Variants in ANKRD28 observed in about 807,000 individuals in gnomAD.
ANKRD28 encodes the protein serine/threonine-protein phosphatase 6 regulatory ankyrin repeat subunit A.
Under a neutral mutation model 126.5 loss-of-function variants are expected in ANKRD28, and 44 were observed. That is an observed-to-expected ratio of 0.35 (90% CI 0.27 to 0.45). The LOEUF (loss-of-function observed/expected upper bound fraction) is 0.45, where lower values mean the gene tolerates loss of function less well. ANKRD28 is among the 20% of genes least tolerant of loss of function. ANKRD28 has a pLI of 1.00. For missense variants in ANKRD28, 1,110 were observed against 1,316.6 expected (o/e 0.84, Z 2.43); for synonymous variants, 442 against 468.5 (o/e 0.94, Z 0.73).
At chr3:15,832,710 G>T in intron 1 of ANKRD28, among the ~76,000 whole-genome samples, 1 of 152,112 alleles carries the variant, frequency 6.6e-6, no homozygotes, top group East Asian at 1.9e-4. Context: ...TGCAGTATTT[G>T]ACTATGTTTC....
In ANKRD28 at chr3:15,690,178, A is replaced by G. The variant is rs1041467290; in HGVS notation, c.1804T>C (p.Ser602Pro). The G allele has an allele frequency of 3.7e-6, 6 of 1,607,962 alleles. No homozygotes were observed. The highest frequency in any genetic ancestry group is 5.1e-6 in the Non-Finnish European group (6 of 1,176,916). Residue 602 changes from serine to proline, a missense_variant, in exon 18 of 28, where the codon TCT becomes CCT. Transcript: ENST00000683139. ...HHQALEVLVQ[S>P]LLDLDVRNSS... ...TTTCTGACATCAAGATCTAACAAAGACTGTACCAACACTTCCAGTGCTTGA... is the reference window on the plus strand; with the variant it reads ...TTTCTGACATCAAGATCTAACAAAGGCTGTACCAACACTTCCAGTGCTTGA...
rs941365461 is a variant in ANKRD28 at position 15,839,018 on chromosome 3, G to A, written c.27+20359C>T. ...TAAAAGCCAGACAAAAAATGATCAC[G>A]TATCATATGACTCCACTTATATAAA... On this transcript the variant is annotated intron_variant, in intron 1 of 27. Transcript: ENST00000399451. The surrounding 1 kb of genome is among the most constrained non-coding windows in gnomAD (Gnocchi z 4.3). 1.2e-4 allele frequency among the ~76,000 whole-genome samples: 19 copies of A among 152,026 alleles called. No individual in the cohort carries two copies. The highest frequency in any genetic ancestry group is 4.1e-4 in the African/African-American group (17 of 41,410).
chr3:15,777,997 A>C (rs769681586), intron 2 of ANKRD28, among the ~76,000 whole-genome samples: 2 of 152,072 alleles, frequency 1.3e-5, no homozygotes, highest in African/African-American at 4.8e-5. Flanking sequence ...TGTTTTCTTT[A>C]TATTCATTCG....
chr3:15,859,110 C>G (rs1362602521), intron 1 of ANKRD28, among the ~76,000 whole-genome samples: 1 of 152,212 alleles, frequency 6.6e-6, no homozygotes, highest in African/African-American at 2.4e-5. Context: ...TCGCCCGACG[C>G]GAGGGCGGTG....
At chr3:15,794,662 T>C (rs959436870) in intron 2 of ANKRD28, among the ~76,000 whole-genome samples, 11 of 152,322 alleles carry the variant, frequency 7.2e-5, no homozygotes, top group East Asian at 1.9e-4. Flanking sequence ...AATATACTAC[T>C]GTATCGTTAA....
chr3:15,820,867 T>C (rs941762933), intron 1 of ANKRD28, among the ~76,000 whole-genome samples: 1 of 152,230 alleles, frequency 6.6e-6, no homozygotes, highest in African/African-American at 2.4e-5. Context: ...TTTCCTTTTT[T>C]GACACTTCCT....
intron 1 of ANKRD28, among the ~76,000 whole-genome samples, chr3:15,819,930 G>A (rs763798310): frequency 1.3e-5 from 2 of 152,178 alleles, no homozygotes; most frequent in Non-Finnish European, 2.9e-5. Flanking sequence ...GCACTGTACT[G>A]ACCAAGCTGA....
chr3:15,727,070 C>T (rs1054999552), intron 6 of ANKRD28, among the ~76,000 whole-genome samples: 3 of 152,122 alleles, frequency 2.0e-5, no homozygotes, highest in African/African-American at 7.2e-5. Flanking sequence ...TACTTGGCCA[C>T]CCAAGAGCTC....
At chr3:15,826,974 T>C (rs1414675470) in intron 1 of ANKRD28, among the ~76,000 whole-genome samples, 1 of 152,184 alleles carries the variant, frequency 6.6e-6, no homozygotes, top group South Asian at 2.1e-4. Flanking sequence ...ATATTAGACA[T>C]TTCTCAAATG....
intron 1 of ANKRD28, among the ~76,000 whole-genome samples, chr3:15,803,326 T>C (rs951542928): frequency 2.0e-5 from 3 of 151,974 alleles, no homozygotes; most frequent in Non-Finnish European, 2.9e-5. Context: ...GAGACAGAAA[T>C]ATATTTTAGA....
At chr3:15,744,379 T>C (rs928914520) in intron 4 of ANKRD28, among the ~76,000 whole-genome samples, 1 of 152,178 alleles carries the variant, frequency 6.6e-6, no homozygotes, top group African/African-American at 2.4e-5. Context: ...AATGGCGCGA[T>C]CTTGGCTCAC....
chr3:15,679,630 G>T, intron 21 of ANKRD28, 67 bp from the exon 22 acceptor site: 1 of 1,264,520 alleles, frequency 7.9e-7, no homozygotes, highest in Admixed American at 2.1e-5. Context: ...ACAGGTACAT[G>T]TAAGTGTTTA....
chr3:15,693,079 G>A (rs114867052), intron 17 of ANKRD28, among the ~76,000 whole-genome samples: 100 of 152,268 alleles, frequency 6.6e-4, no homozygotes, highest in African/African-American at 2.4e-3. Flanking sequence ...AGGTAGGCTA[G>A]TATTACCAGG....
Position 15,670,054 on chromosome 3 carries a change from G to A in ANKRD28, c.*216C>T. 1.9e-6 allele frequency: 1 copy of A among 531,342 alleles called. No individual in the cohort carries two copies. Among genetic ancestry groups the A allele is most frequent in the South Asian group, 2.8e-5 (1 of 36,296 alleles). 32.9% of individuals were successfully genotyped at this position (531,342 alleles called of 1,614,324 possible). A position where few individuals can be genotyped will look rare whatever the true frequency, so the allele number is the denominator to read the frequency against. On this transcript the variant is annotated 3_prime_UTR_variant, in exon 28 of 28. Coordinates refer to ENST00000683139, the MANE Select transcript of ANKRD28 (RefSeq NM_001349278.2). ...CCACAAAGAATTCTGACATCAATGT[G>A]TTTTCCTCAGTCAGGTCTATTTCAA...
intron 14 of ANKRD28, among the ~76,000 whole-genome samples, chr3:15,705,184 T>G (rs2071187724): frequency 1.3e-5 from 2 of 152,206 alleles, no homozygotes. Context: ...AGTCATTGCT[T>G]ACTTGCTCAA....
intron 1 of ANKRD28, among the ~76,000 whole-genome samples, chr3:15,824,549 T>C (rs896499908): frequency 2.6e-5 from 4 of 152,224 alleles, no homozygotes; most frequent in Non-Finnish European, 5.9e-5. Context: ...TGCTTTTCTA[T>C]ATACCAGCAA....
intron 17 of ANKRD28, among the ~76,000 whole-genome samples, chr3:15,693,783 TGCTTTCTTA>T (rs1428570582): frequency 1.3e-5 from 2 of 152,152 alleles, no homozygotes; most frequent in African/African-American, 2.4e-5. Flanking sequence ...GCTTCAAGAA[TGCTTTCTTA>T]GTTATTTAGA....
At chr3:15,760,116 T>G (rs1282883834) in intron 3 of ANKRD28, among the ~76,000 whole-genome samples, 2 of 151,778 alleles carry the variant, frequency 1.3e-5, no homozygotes, top group Non-Finnish European at 2.9e-5. Flanking sequence ...CTGTGGTATA[T>G]CAACAAAAAA....
At chr3:15,686,811 T>G (rs1490514347) in intron 18 of ANKRD28, among the ~76,000 whole-genome samples, 1 of 152,200 alleles carries the variant, frequency 6.6e-6, no homozygotes, top group East Asian at 1.9e-4. Flanking sequence ...TTCCTGATTT[T>G]AGATGCAATC....
Sources: allele counts gnomAD v4.1 joint callset (sites outside exome capture counted in the v4.1 genomes callset), GRCh38; gene constraint gnomAD v4.1.1; non-coding constraint Gnocchi (gnomAD v3.1); transcripts MANE v1.5; gene names NCBI Gene and HGNC (gene_info 2026-07-23, HGNC 2026-07-21).